The following EEFSEC variants were observed in gnomAD, a reference collection of about 807,000 sequenced individuals.
EEFSEC encodes the protein eukaryotic elongation factor, selenocysteine-tRNA specific.
In EEFSEC, 43 loss-of-function variants were observed where a neutral mutation model predicts 42.1. The observed-to-expected ratio is 1.02, with a 90% CI of 0.80 to 1.32. The LOEUF (loss-of-function observed/expected upper bound fraction) is 1.32. Among genes scored for constraint, EEFSEC ranks in the 40% most tolerant of loss-of-function variants. The pLI is 0.00. For synonymous variants in EEFSEC, 354 were observed against 339.1 expected (o/e 1.04, Z -0.48); for missense variants, 745 against 803.6 (o/e 0.93, Z 0.88).
chr3:128,264,564 GC>G, intron 3 of EEFSEC, 52 bp from the exon 4 acceptor site: 2 of 1,588,396 alleles, frequency 1.3e-6, no homozygotes, highest in Non-Finnish European at 1.7e-6. Flanking sequence ...CCTCTGCCCT[GC>G]CCCATCTGGC....
intron 1 of EEFSEC, among the ~76,000 whole-genome samples, chr3:128,166,222 C>A (rs1178453197): frequency 6.6e-6 from 1 of 152,192 alleles, no homozygotes; most frequent in Non-Finnish European, 1.5e-5. Flanking sequence ...TGTTTCCCAT[C>A]AGCACCCAGC....
At chr3:128,413,188 C>G (rs1013465470), downstream of EEFSEC, among the ~76,000 whole-genome samples, 2 of 152,152 alleles carry the variant, frequency 1.3e-5, no homozygotes, top group Admixed American at 1.3e-4. Context: ...GAGCTGAGGC[C>G]TGGGAGGAAG....
At chr3:128,298,255 T>C (rs2066730538) in intron 4 of EEFSEC, among the ~76,000 whole-genome samples, 1 of 152,176 alleles carries the variant, frequency 6.6e-6, no homozygotes. Flanking sequence ...TCAAGCGATC[T>C]TCCTACCTCA....
intron 1 of EEFSEC, among the ~76,000 whole-genome samples, chr3:128,208,872 G>T (rs1010750263): frequency 1.8e-4 from 27 of 152,272 alleles, no homozygotes; most frequent in African/African-American, 5.5e-4. Context: ...CTCACTGAAT[G>T]CTTACCTTTG....
chr3:128,230,488 C>T (rs1474567733), intron 1 of EEFSEC, among the ~76,000 whole-genome samples: 2 of 152,148 alleles, frequency 1.3e-5, no homozygotes, highest in Non-Finnish European at 2.9e-5. Flanking sequence ...CAACTGCTCT[C>T]CACTTTCTTT....
chr3:128,415,493 G>A, the EEFSEC span, among the ~76,000 whole-genome samples: 1 of 152,098 alleles, frequency 6.6e-6, no homozygotes, highest in African/African-American at 2.4e-5. Context: ...TGATAGGGTG[G>A]AAGATAGCCA....
intron 1 of EEFSEC, among the ~76,000 whole-genome samples, chr3:128,163,629 A>G (rs1305792055): frequency 6.6e-6 from 1 of 151,940 alleles, no homozygotes; most frequent in African/African-American, 2.4e-5. Context: ...TGTAGCTGTC[A>G]TCACACAATC....
chr3:128,425,838 CTG>C, the EEFSEC span, among the ~76,000 whole-genome samples: 1 of 152,156 alleles, frequency 6.6e-6, no homozygotes, highest in African/African-American at 2.4e-5. Context: ...AACAGGGTGA[CTG>C]GGGCGGGCCT....
intron 5 of EEFSEC, among the ~76,000 whole-genome samples, chr3:128,357,379 G>A (rs2067466923): frequency 6.6e-6 from 1 of 152,246 alleles, no homozygotes; most frequent in Admixed American, 6.5e-5. Flanking sequence ...TCTCAGCCTG[G>A]GCACCCACAA....
intron 3 of EEFSEC, among the ~76,000 whole-genome samples, chr3:128,263,734 G>A (rs910266440): frequency 2.0e-5 from 3 of 152,194 alleles, no homozygotes; most frequent in African/African-American, 7.2e-5. Flanking sequence ...TGAAAAAGTA[G>A]CAAACACAAG....
At chr3:128,250,911 G>GTTTTTTTTTTTTTTTTTTTTTTTTGTTT (rs35594175) in intron 2 of EEFSEC, among the ~76,000 whole-genome samples, 1 of 108,594 alleles carries the variant, frequency 9.2e-6, no homozygotes, top group Non-Finnish European at 1.8e-5. Flanking sequence ...GTTTTTTTTG[G>GTTTTTTTTTTTTTTTTTTTTTTTTGTTT]TTTTTTTTTT....
chr3:128,239,747 T>C (rs1261416241), intron 1 of EEFSEC, among the ~76,000 whole-genome samples: 1 of 152,226 alleles, frequency 6.6e-6, no homozygotes, highest in Non-Finnish European at 1.5e-5. Flanking sequence ...GTTTCTGTTT[T>C]ACAGATGTGG....
At chr3:128,332,628 T>A (rs984888954) in intron 4 of EEFSEC, among the ~76,000 whole-genome samples, 26 of 152,320 alleles carry the variant, frequency 1.7e-4, no homozygotes, top group African/African-American at 6.3e-4. Context: ...ATTTTTATAC[T>A]TTTGTAGAGT....
At chr3:128,289,750 C>T (rs6772718) in intron 4 of EEFSEC, among the ~76,000 whole-genome samples, 107 of 152,326 alleles carry the variant, frequency 7.0e-4, no homozygotes, top group African/African-American at 2.2e-3. Context: ...TCTGCAGAGG[C>T]TTGCTGTCAT....
chr3:128,248,317 C>T (rs767459351), intron 2 of EEFSEC, among the ~76,000 whole-genome samples: 22 of 152,152 alleles, frequency 1.4e-4, no homozygotes, highest in Non-Finnish European at 2.8e-4. Context: ...TTTTTGTTTC[C>T]CTGTCATAAA....
chr3:128,344,869 A>G (rs1446969040), intron 5 of EEFSEC, among the ~76,000 whole-genome samples: 2 of 152,186 alleles, frequency 1.3e-5, no homozygotes, highest in Non-Finnish European at 2.9e-5. Flanking sequence ...CTTCATATGT[A>G]AGAGCCGACT....
the EEFSEC span, among the ~76,000 whole-genome samples, chr3:128,423,142 A>G: frequency 6.6e-6 from 1 of 152,248 alleles, no homozygotes; most frequent in African/African-American, 2.4e-5. Flanking sequence ...GCAGGTGCTC[A>G]TTAAATGCTT....
chr3:128,318,515 G>A (rs1334553273), intron 4 of EEFSEC, among the ~76,000 whole-genome samples: 3 of 152,196 alleles, frequency 2.0e-5, no homozygotes, highest in African/African-American at 7.2e-5. Context: ...GACAGCAGAA[G>A]GTACAGGACC....
At chr3:128,284,311 T>C (rs779794445) in intron 4 of EEFSEC, among the ~76,000 whole-genome samples, 3 of 152,258 alleles carry the variant, frequency 2.0e-5, no homozygotes, top group Non-Finnish European at 4.4e-5. Flanking sequence ...AATTCCATCT[T>C]TTCTTGACGA....
Sources: gnomAD v4.1 joint callset for allele counts (sites outside exome capture counted in the v4.1 genomes callset) on GRCh38, gnomAD v4.1.1 for gene constraint, MANE v1.5 for transcripts, NCBI Gene and HGNC (gene_info 2026-07-23, HGNC 2026-07-21) for gene names.